MALRD1: variants seen among roughly 807,000 people sequenced by gnomAD.
MALRD1 encodes the protein MAM and LDL-receptor class A domain-containing protein 1.
MALRD1 carries 247 observed loss-of-function variants against 242.1 expected under a neutral mutation model. That is an observed-to-expected ratio of 1.02 (90% CI 0.92 to 1.13). MALRD1 has a LOEUF of 1.13. Among genes scored for constraint, MALRD1 ranks in the 50% most tolerant of loss-of-function variants. The pLI is 0.00. For synonymous variants in MALRD1, 995 were observed against 866.6 expected (o/e 1.15, Z -2.60); for missense variants, 2,989 against 2,533.1 (o/e 1.18, Z -3.86).
chr10:19,672,066 C>T (rs968815132), intron 36 of MALRD1, among the ~76,000 whole-genome samples: 2 of 151,944 alleles, frequency 1.3e-5, no homozygotes, highest in African/African-American at 4.8e-5. Context: ...TCCTAGGAGA[C>T]TCATTTTTCT....
chr10:19,697,798 C>CT (rs1322677717), intron 38 of MALRD1, among the ~76,000 whole-genome samples: 1 of 152,116 alleles, frequency 6.6e-6, no homozygotes, highest in African/African-American at 2.4e-5. Context: ...TACCTTCTTT[C>CT]TTTGCCAGGC....
intron 18 of MALRD1, among the ~76,000 whole-genome samples, chr10:19,240,786 T>C (rs934548179): frequency 6.6e-6 from 1 of 152,150 alleles, no homozygotes; most frequent in East Asian, 1.9e-4. Flanking sequence ...ATGTTGACTT[T>C]TGTCAAGTGT....
intron 29 of MALRD1, among the ~76,000 whole-genome samples, chr10:19,470,489 T>C (rs143349785): frequency 6.6e-6 from 1 of 152,152 alleles, no homozygotes; most frequent in East Asian, 1.9e-4. Context: ...TATGATAGTT[T>C]TATTTTTAAT....
chr10:19,676,328 G>C (rs1437328696), intron 36 of MALRD1, among the ~76,000 whole-genome samples: 1 of 152,194 alleles, frequency 6.6e-6, no homozygotes, highest in African/African-American at 2.4e-5. Context: ...AGAGTGATGA[G>C]GGCCTTTGCC....
In MALRD1 at chr10:19,049,218, G is replaced by T. The variant is rs529962273; in HGVS notation, c.199+81G>T. ...GCCTCTGAGCAGTCTGGGAGATTTGGCTAGATACTTGGCTCTGTATGCATT... is the reference window on the plus strand; with the variant it reads ...GCCTCTGAGCAGTCTGGGAGATTTGTCTAGATACTTGGCTCTGTATGCATT... On this transcript the variant is annotated intron_variant, in intron 1 of 39. Transcript: ENST00000454679. The T allele has an allele frequency of 5.1e-5, 58 of 1,133,906 alleles. No individual in the cohort carries two copies. In the African/African-American group the frequency reaches 7.8e-4, roughly 15 times the overall value. 70.2% of individuals were successfully genotyped at this position (1,133,906 alleles called of 1,614,324 possible).
intron 10 of MALRD1, among the ~76,000 whole-genome samples, chr10:19,145,977 C>G (rs1213310385): frequency 6.6e-6 from 1 of 152,070 alleles, no homozygotes; most frequent in Non-Finnish European, 1.5e-5. Flanking sequence ...ATGAAATGTA[C>G]CAGACTTACA....
chr10:19,421,493 C>T (rs1833717948), intron 28 of MALRD1, among the ~76,000 whole-genome samples: 1 of 152,140 alleles, frequency 6.6e-6, no homozygotes, highest in African/African-American at 2.4e-5. Context: ...TGAGGCATTA[C>T]AGATACCAAG....
At chr10:19,169,516 A>G (rs1372570047) in intron 13 of MALRD1, among the ~76,000 whole-genome samples, 2 of 152,166 alleles carry the variant, frequency 1.3e-5, no homozygotes, top group Non-Finnish European at 2.9e-5. Flanking sequence ...TTATAATGTT[A>G]AAGTTTGTTT....
At chr10:19,049,838 A>T (rs1834432003) in intron 1 of MALRD1, among the ~76,000 whole-genome samples, 3 of 152,224 alleles carry the variant, frequency 2.0e-5, no homozygotes, top group Admixed American at 1.3e-4. Context: ...GAAGCTTACC[A>T]AGGGAAGACG....
At chr10:19,513,122 A>T (rs1833476381) in intron 31 of MALRD1, among the ~76,000 whole-genome samples, 1 of 152,060 alleles carries the variant, frequency 6.6e-6, no homozygotes, top group South Asian at 2.1e-4. Flanking sequence ...TCCAAATCTC[A>T]TGTTAAAAGG....
At chr10:19,154,626 T>C (rs1044316927) in intron 11 of MALRD1, among the ~76,000 whole-genome samples, 2 of 152,248 alleles carry the variant, frequency 1.3e-5, no homozygotes, top group Non-Finnish European at 1.5e-5. Flanking sequence ...TAATCCCCTC[T>C]AGCACAGACA....
At chr10:19,593,096 G>A (rs1384377402) in intron 33 of MALRD1, among the ~76,000 whole-genome samples, 1 of 151,956 alleles carries the variant, frequency 6.6e-6, no homozygotes, top group African/African-American at 2.4e-5. Context: ...CCATGGTCCA[G>A]TACCAGAAGA....
intron 4 of MALRD1, among the ~76,000 whole-genome samples, chr10:19,100,725 G>A (rs1350230881): frequency 2.0e-5 from 3 of 152,052 alleles, no homozygotes; most frequent in African/African-American, 7.2e-5. Context: ...GGGAAGGAGA[G>A]TTCAGGAGAG....
At chr10:19,509,857 A>C (rs1404573354) in intron 31 of MALRD1, among the ~76,000 whole-genome samples, 1 of 152,172 alleles carries the variant, frequency 6.6e-6, no homozygotes, top group Non-Finnish European at 1.5e-5. Context: ...CGTCAGGTGG[A>C]AGGAGACACT....
chr10:19,252,657 G>T (rs1271324953), intron 18 of MALRD1, among the ~76,000 whole-genome samples: 1 of 151,906 alleles, frequency 6.6e-6, no homozygotes, highest in Non-Finnish European at 1.5e-5. Context: ...TTACCACAAT[G>T]TTATTATTAT....
At chr10:19,530,418 A>ATATAAATATTTAT (rs1200557957) in intron 31 of MALRD1, among the ~76,000 whole-genome samples, 3 of 83,724 alleles carry the variant, frequency 3.6e-5, no homozygotes, top group African/African-American at 1.9e-4. Flanking sequence ...TTTATATAAT[A>ATATAAATATTTAT]ATAAATATAT....
Position 19,088,030 on chromosome 10 carries a change from T to A in MALRD1, c.442T>A (p.Phe148Ile). 8.1e-7 allele frequency: 1 copy of A among 1,233,520 alleles called. No homozygotes were observed. The highest frequency in any genetic ancestry group is 3.2e-5 in the East Asian group (1 of 31,688). 76.4% of individuals were successfully genotyped at this position (1,233,520 alleles called of 1,614,324 possible). Residue 148 changes from phenylalanine to isoleucine, a missense_variant, in exon 4 of 40, where the codon TTT becomes ATT. Physicochemically the swap from Phe to Ile is conservative, Grantham distance 21 (BLOSUM62 0). Transcript: ENST00000454679. Reference protein sequence around the residue: ...TNDQHDCQITFYYFSCQVSGK... With the variant: ...TNDQHDCQITIYYFSCQVSGK... Reference sequence around the variant, plus strand: ...TACTAATTGTCTTTCACAGATTACATTTTATTACTTCTCCTGCCAAGTGAG... The same window carrying A: ...TACTAATTGTCTTTCACAGATTACAATTTATTACTTCTCCTGCCAAGTGAG...
chr10:19,306,217 C>T (rs1842185899), intron 21 of MALRD1, among the ~76,000 whole-genome samples: 1 of 130,150 alleles, frequency 7.7e-6, no homozygotes, highest in Admixed American at 8.5e-5. Flanking sequence ...TATATACACA[C>T]ACATACTATA....
intron 26 of MALRD1, among the ~76,000 whole-genome samples, chr10:19,359,312 G>C (rs1844786009): frequency 6.6e-6 from 1 of 152,028 alleles, no homozygotes. Flanking sequence ...ACTAATATCT[G>C]TATTGGAAAT....
Sources: gnomAD v4.1 joint callset for allele counts (sites outside exome capture counted in the v4.1 genomes callset) on GRCh38, gnomAD v4.1.1 for gene constraint, MANE v1.5 for transcripts, NCBI Gene and HGNC (gene_info 2026-07-23, HGNC 2026-07-21) for gene names.